CHN2: variants seen among roughly 807,000 people sequenced by gnomAD.
CHN2 encodes the protein beta-chimaerin.
Under a neutral mutation model 56.3 loss-of-function variants are expected in CHN2, and 35 were observed. The ratio of observed to expected loss-of-function variants is 0.62; its 90% CI spans 0.47 to 0.82. CHN2 has a LOEUF of 0.82. Ranked by LOEUF, CHN2 falls within the 40% of genes least tolerant of loss-of-function variation. CHN2 has a pLI of 0.00. For missense variants in CHN2, 491 were observed against 580.5 expected (o/e 0.85, Z 1.58); for synonymous variants, 210 against 212.8 (o/e 0.99, Z 0.12).
chr7:29,150,577 G>A (rs1460843229), intron 2 of CHN2, among the ~76,000 whole-genome samples: 1 of 152,154 alleles, frequency 6.6e-6, no homozygotes, highest in Non-Finnish European at 1.5e-5. Context: ...TCTTGATCAG[G>A]TAAATACAAT....
intron 6 of CHN2, among the ~76,000 whole-genome samples, chr7:29,413,962 A>AGAGATGTGT (rs1349288099): frequency 1.3e-5 from 2 of 152,236 alleles, no homozygotes; most frequent in African/African-American, 4.8e-5. Context: ...TTCCTCGAGA[A>AGAGATGTGT]GAGATGTGTT....
intron 1 of CHN2, among the ~76,000 whole-genome samples, chr7:29,330,581 G>A (rs1257043978): frequency 2.0e-5 from 3 of 152,190 alleles, no homozygotes; most frequent in African/African-American, 7.2e-5. Flanking sequence ...TGGATGTTGT[G>A]TATAAGTGTG....
At chr7:29,404,480 A>G (rs1386510959) in intron 6 of CHN2, among the ~76,000 whole-genome samples, 2 of 152,222 alleles carry the variant, frequency 1.3e-5, no homozygotes, top group African/African-American at 2.4e-5. Context: ...TTATAGCAGC[A>G]AAAATTAGAA....
intron 2 of CHN2, among the ~76,000 whole-genome samples, chr7:29,162,591 G>A (rs1354487004): frequency 6.6e-6 from 1 of 151,554 alleles, no homozygotes; most frequent in Non-Finnish European, 1.5e-5. Context: ...AACCCGGAAG[G>A]CGGAAGTTGC....
intron 1 of CHN2, chr7:29,208,697 A>G (rs1294498393): frequency 1.3e-5 from 2 of 152,288 alleles, no homozygotes; most frequent in African/African-American, 2.4e-5. Flanking sequence ...ACCAACACAT[A>G]TAACACATTC....
At chr7:29,173,035 G>A (rs566655280) in intron 2 of CHN2, among the ~76,000 whole-genome samples, 1 of 151,606 alleles carries the variant, frequency 6.6e-6, no homozygotes, top group South Asian at 2.1e-4. Flanking sequence ...GGAGCCTGGG[G>A]AAGGAGAATC....
intron 1 of CHN2, among the ~76,000 whole-genome samples, chr7:29,290,120 A>G (rs1792477774): frequency 1.3e-5 from 2 of 152,220 alleles, no homozygotes; most frequent in Non-Finnish European, 2.9e-5. Flanking sequence ...TTGTTCCTGA[A>G]ATTACCTGGC....
At chr7:29,392,437 G>T (rs1801439372) in intron 3 of CHN2, among the ~76,000 whole-genome samples, 1 of 152,166 alleles carries the variant, frequency 6.6e-6, no homozygotes, top group Non-Finnish European at 1.5e-5. Flanking sequence ...CTTCACAAAT[G>T]ACACCGAGCA....
At chr7:29,481,506 A>T (rs1043830208) in intron 7 of CHN2, among the ~76,000 whole-genome samples, 2 of 152,158 alleles carry the variant, frequency 1.3e-5, no homozygotes, top group Non-Finnish European at 2.9e-5. Context: ...TGCATGCTAT[A>T]ATTGAACTGA....
intron 1 of CHN2, among the ~76,000 whole-genome samples, chr7:29,310,934 T>C (rs917396621): frequency 3.9e-5 from 6 of 152,248 alleles, no homozygotes; most frequent in African/African-American, 1.4e-4. Context: ...TGACATTGAC[T>C]AAATTCTCCA....
At chr7:29,469,808 T>C (rs1052710618) in intron 6 of CHN2, among the ~76,000 whole-genome samples, 17 of 152,244 alleles carry the variant, frequency 1.1e-4, no homozygotes, top group African/African-American at 3.9e-4. Context: ...TTGTTTGTTG[T>C]CTACTCTCTT....
chr7:29,301,475 C>G (rs1466326958), intron 1 of CHN2, among the ~76,000 whole-genome samples: 7 of 151,954 alleles, frequency 4.6e-5, no homozygotes, highest in African/African-American at 1.7e-4. Flanking sequence ...CCTGGCCTTT[C>G]TGTTGTGTCC....
chr7:29,277,161 C>G (rs1488434060), intron 1 of CHN2, among the ~76,000 whole-genome samples: 2 of 152,118 alleles, frequency 1.3e-5, no homozygotes, highest in Non-Finnish European at 2.9e-5. Context: ...ATGCAGGGAC[C>G]CTCCCCGCCA....
At chr7:29,151,657 T>C (rs245892) in intron 2 of CHN2, among the ~76,000 whole-genome samples, 85,314 of 152,048 alleles carry the variant, frequency 0.56, 24,782 homozygotes, top group African/African-American at 0.72. Flanking sequence ...AACCTGCCAG[T>C]GTGCTCAGGA....
At chr7:29,493,526 T>C (rs1788890058) in intron 7 of CHN2, among the ~76,000 whole-genome samples, 1 of 152,150 alleles carries the variant, frequency 6.6e-6, no homozygotes, top group Admixed American at 6.5e-5. Flanking sequence ...TTGGATATCA[T>C]AGCAGCATTT....
chr7:29,210,231 G>T (rs545511215), intron 1 of CHN2, among the ~76,000 whole-genome samples: 3 of 152,206 alleles, frequency 2.0e-5, no homozygotes, highest in Admixed American at 6.5e-5. Flanking sequence ...ATTACCAGTG[G>T]CATCATTTGT....
At chr7:29,329,762 C>G (rs986028993) in intron 1 of CHN2, among the ~76,000 whole-genome samples, 1 of 152,086 alleles carries the variant, frequency 6.6e-6, no homozygotes, top group Non-Finnish European at 1.5e-5. Flanking sequence ...ATTGTTTAGT[C>G]GGCAAATCTG....
intron 1 of CHN2, among the ~76,000 whole-genome samples, chr7:29,293,365 C>G (rs1176108198): frequency 7.4e-5 from 3 of 40,570 alleles, no homozygotes; most frequent in Admixed American, 2.8e-4. Flanking sequence ...AGCTAATGCC[C>G]CCCCCCCCCC....
intron 6 of CHN2, among the ~76,000 whole-genome samples, chr7:29,474,391 T>A (rs1197012392): frequency 6.6e-6 from 1 of 152,250 alleles, no homozygotes; most frequent in Non-Finnish European, 1.5e-5. Context: ...GAAGACCTTT[T>A]CAAGAGAATC....
Sources: allele counts gnomAD v4.1 joint callset (sites outside exome capture counted in the v4.1 genomes callset), GRCh38; gene constraint gnomAD v4.1.1; transcripts MANE v1.5; gene names NCBI Gene and HGNC (gene_info 2026-07-23, HGNC 2026-07-21).